Variants in SDK1 observed in about 807,000 individuals in gnomAD.
The protein encoded by SDK1 is protein sidekick-1.
SDK1 carries 157 observed loss-of-function variants against 245.5 expected under a neutral mutation model. The observed-to-expected ratio is 0.64, with a 90% confidence interval of 0.56 to 0.73. The LOEUF (loss-of-function observed/expected upper bound fraction) is 0.73. Ranked by LOEUF, SDK1 falls within the 30% of genes least tolerant of loss-of-function variation. The pLI is 0.00. For synonymous variants in SDK1, 1,647 were observed against 1,278.5 expected, an observed-to-expected ratio of 1.29 and a Z score of -6.15; for missense variants, 3,583 against 3,002.3, an observed-to-expected ratio of 1.19 and a Z score of -4.52.
chr7:3,752,269 G>A (rs1177881956), intron 4 of SDK1, among the ~76,000 whole-genome samples: 1 of 152,098 alleles, frequency 6.6e-6, no homozygotes, highest in Non-Finnish European at 1.5e-5. Flanking sequence ...GTATCTTAAT[G>A]CATGTTTAGG....
chr7:3,575,704 A>C (rs1054531205), intron 1 of SDK1, among the ~76,000 whole-genome samples: 1 of 152,052 alleles, frequency 6.6e-6, no homozygotes, highest in Non-Finnish European at 1.5e-5. Flanking sequence ...TCAACTTATA[A>C]AGAGCATTCA....
Position 4,134,554 on chromosome 7 carries a change from C to T in SDK1, c.4228+2131C>T, listed in dbSNP as rs575875405. Among the ~76,000 whole-genome samples the T allele has an allele frequency of 5.3e-5, 8 of 152,326 alleles. No homozygotes were observed. The East Asian group carries it at 1.5e-3, about 29-fold the overall frequency. ...TAATATCTGATTACCCGGGAGCTGT[C>T]CCCAGCATGCTGTGAAACAAGAAAC... On this transcript the variant is annotated intron_variant, in intron 28 of 44. Transcript: ENST00000404826.
intron 5 of SDK1, among the ~76,000 whole-genome samples, chr7:3,883,178 G>A (rs1203201168): frequency 6.6e-6 from 1 of 152,142 alleles, no homozygotes; most frequent in Non-Finnish European, 1.5e-5. Context: ...CAGTGGGCAG[G>A]ACCCCACACA....
At chr7:3,461,073 TA>T (rs1223815857) in intron 1 of SDK1, among the ~76,000 whole-genome samples, 1 of 152,212 alleles carries the variant, frequency 6.6e-6, no homozygotes, top group Non-Finnish European at 1.5e-5. Context: ...TGAGGGCTTG[TA>T]AGGTTTCAGT....
At chr7:4,084,675 C>CGTTATGTTATGTTATGTTATGTTAT (rs60696477) in intron 22 of SDK1, among the ~76,000 whole-genome samples, 2 of 119,774 alleles carry the variant, frequency 1.7e-5, no homozygotes, top group Non-Finnish European at 3.2e-5. Flanking sequence ...TGTTATGTTA[C>CGTTATGTTATGTTATGTTATGTTAT]GTTATGTTAT....
At chr7:3,583,673 A>G (rs921247184) in intron 1 of SDK1, among the ~76,000 whole-genome samples, 1 of 152,084 alleles carries the variant, frequency 6.6e-6, no homozygotes, top group Non-Finnish European at 1.5e-5. Flanking sequence ...GGGAAATAAA[A>G]CAAGTAGTAA....
At chr7:3,817,282 A>C (rs1242999204) in intron 4 of SDK1, among the ~76,000 whole-genome samples, 1 of 152,166 alleles carries the variant, frequency 6.6e-6, no homozygotes, top group Non-Finnish European at 1.5e-5. Context: ...CTTAAGGGAA[A>C]GTTGTTAAAG....
chr7:3,717,765 A>G (rs1785244855), intron 4 of SDK1, among the ~76,000 whole-genome samples: 1 of 152,178 alleles, frequency 6.6e-6, no homozygotes, highest in South Asian at 2.1e-4. Flanking sequence ...GAGAAACTTA[A>G]TTTGCAGTTA....
At chr7:4,237,977 A>T (rs963127740) in intron 42 of SDK1, among the ~76,000 whole-genome samples, 193 bp downstream of exon 42, 2 of 152,068 alleles carry the variant, frequency 1.3e-5, no homozygotes, top group Non-Finnish European at 2.9e-5. Flanking sequence ...ATGCCTCGGG[A>T]CCCAGATGCT....
intron 1 of SDK1, among the ~76,000 whole-genome samples, chr7:3,330,820 A>AATAC (rs1780049859): frequency 6.6e-6 from 1 of 151,196 alleles, no homozygotes; most frequent in African/African-American, 2.4e-5. Flanking sequence ...AAAAAAAAAA[A>AATAC]AAAAAAAACC....
intron 4 of SDK1, among the ~76,000 whole-genome samples, chr7:3,778,195 GTTTTCCTTATTAAGAAAGAAGT>G (rs985113519): frequency 6.6e-6 from 1 of 151,858 alleles, no homozygotes; most frequent in African/African-American, 2.4e-5. Context: ...GCAAATGTTT[GTTTTCCTTATTAAGAAAGAAGT>G]TTCATTTGAA....
intron 4 of SDK1, among the ~76,000 whole-genome samples, chr7:3,672,426 G>C (rs1432481947): frequency 6.6e-6 from 1 of 151,004 alleles, no homozygotes; most frequent in Non-Finnish European, 1.5e-5. Flanking sequence ...TACTTCTACT[G>C]CAAACTCTTG....
chr7:3,896,511 C>G (rs967595576), intron 5 of SDK1, among the ~76,000 whole-genome samples: 1 of 152,234 alleles, frequency 6.6e-6, no homozygotes, highest in Non-Finnish European at 1.5e-5. Context: ...TTTTTCTCCA[C>G]TAGCTTTAGC....
At chr7:4,014,495 T>C (rs1786240906) in intron 16 of SDK1, among the ~76,000 whole-genome samples, 1 of 152,160 alleles carries the variant, frequency 6.6e-6, no homozygotes, top group South Asian at 2.1e-4. Context: ...CGCATAATCC[T>C]CTGGTCTGCA....
chr7:4,054,457 G>C (rs1439231964), intron 19 of SDK1, among the ~76,000 whole-genome samples: 1 of 152,138 alleles, frequency 6.6e-6, no homozygotes, highest in Non-Finnish European at 1.5e-5. Flanking sequence ...GCATATGTGT[G>C]TGTTTAGTCC....
chr7:3,857,002 G>A (rs12701229), intron 5 of SDK1, among the ~76,000 whole-genome samples: 52,561 of 151,910 alleles, frequency 0.35, 12,238 homozygotes, highest in African/African-American at 0.67. Flanking sequence ...GGCATAATCA[G>A]TATACCATAA....
intron 1 of SDK1, among the ~76,000 whole-genome samples, chr7:3,437,621 G>T (rs560903652): frequency 6.6e-6 from 1 of 152,188 alleles, no homozygotes; most frequent in Non-Finnish European, 1.5e-5. Context: ...AATAAAGTTA[G>T]CTGGATGTGA....
At chr7:3,532,247 A>G (rs971664503) in intron 1 of SDK1, among the ~76,000 whole-genome samples, 2 of 152,104 alleles carry the variant, frequency 1.3e-5, no homozygotes, top group East Asian at 1.9e-4. Context: ...TGTGAACCCA[A>G]AGTTGTTAGG....
At chr7:3,520,297 A>G (rs993545551) in intron 1 of SDK1, among the ~76,000 whole-genome samples, 1 of 152,196 alleles carries the variant, frequency 6.6e-6, no homozygotes. Context: ...TCCGGTTTCA[A>G]TGATTTATCT....
Sources: allele counts gnomAD v4.1 joint callset (sites outside exome capture counted in the v4.1 genomes callset), GRCh38; gene constraint gnomAD v4.1.1; transcripts MANE v1.5; gene names NCBI Gene and HGNC (gene_info 2026-07-23, HGNC 2026-07-21).